The following COL25A1 variants were observed in gnomAD, a reference collection of about 807,000 sequenced individuals.
The protein encoded by COL25A1 is collagen alpha-1(XXV) chain.
In COL25A1, 103 loss-of-function variants were observed where a neutral mutation model predicts 128.4. The ratio of observed to expected loss-of-function variants is 0.80; its 90% confidence interval spans 0.68 to 0.94. The LOEUF (loss-of-function observed/expected upper bound fraction) is 0.94, where lower values mean the gene tolerates loss of function less well. COL25A1 is among the 40% of genes least tolerant of loss of function. The pLI, the probability that COL25A1 is intolerant of heterozygous loss-of-function variation, is 0.00. For missense variants in COL25A1, 745 were observed against 840.0 expected (o/e 0.89, Z 1.40); for synonymous variants, 279 against 277.2 (o/e 1.01, Z -0.06).
At chr4:108,928,168 C>G (rs1471060039) in intron 11 of COL25A1, among the ~76,000 whole-genome samples, 1 of 152,184 alleles carries the variant, frequency 6.6e-6, no homozygotes, top group Admixed American at 6.6e-5. Flanking sequence ...GCCTATCACC[C>G]TACACTACAC....
chr4:109,280,169 G>T (rs1473103423), intron 3 of COL25A1, among the ~76,000 whole-genome samples: 1 of 152,160 alleles, frequency 6.6e-6, no homozygotes, highest in Non-Finnish European at 1.5e-5. Flanking sequence ...AAATGTTGAG[G>T]CTTCCTTTCT....
chr4:108,931,438 C>G (rs1023256457), intron 11 of COL25A1, among the ~76,000 whole-genome samples: 8 of 152,084 alleles, frequency 5.3e-5, no homozygotes, highest in Non-Finnish European at 1.0e-4. Flanking sequence ...ATAAGGAAAA[C>G]AAAATTAAGT....
chr4:108,854,925 T>C (rs1052547893), intron 24 of COL25A1, among the ~76,000 whole-genome samples: 2 of 152,166 alleles, frequency 1.3e-5, no homozygotes, highest in Non-Finnish European at 2.9e-5. Context: ...AAATATACCG[T>C]GTCTAAGTCT....
intron 3 of COL25A1, among the ~76,000 whole-genome samples, chr4:109,233,734 T>C (rs909672592): frequency 8.5e-5 from 13 of 152,124 alleles, no homozygotes; most frequent in Non-Finnish European, 1.5e-5. Flanking sequence ...GACATTACTA[T>C]ATAGTGCATG....
chr4:109,297,666 C>A (rs1317367344), intron 3 of COL25A1, among the ~76,000 whole-genome samples: 1 of 151,934 alleles, frequency 6.6e-6, no homozygotes, highest in Non-Finnish European at 1.5e-5. Context: ...GGGTTTTTAG[C>A]AAATTATACA....
intron 6 of COL25A1, among the ~76,000 whole-genome samples, chr4:108,997,986 G>A (rs898000447): frequency 2.0e-5 from 3 of 151,380 alleles, no homozygotes; most frequent in African/African-American, 7.4e-5. Flanking sequence ...AAAATAATAA[G>A]AGATATTTAT....
At chr4:108,856,638 T>G (rs1286808218) in intron 24 of COL25A1, among the ~76,000 whole-genome samples, 1 of 152,086 alleles carries the variant, frequency 6.6e-6, no homozygotes, top group Non-Finnish European at 1.5e-5. Flanking sequence ...GCATGGCAAA[T>G]AGTTGCCTCA....
intron 3 of COL25A1, among the ~76,000 whole-genome samples, chr4:109,053,959 C>T (rs531109534): frequency 2.0e-5 from 3 of 152,100 alleles, no homozygotes; most frequent in Non-Finnish European, 4.4e-5. Flanking sequence ...CATAAATACC[C>T]GAGAATAGGG....
chr4:108,971,652 G>T (rs1372702110), intron 8 of COL25A1, among the ~76,000 whole-genome samples: 1 of 152,178 alleles, frequency 6.6e-6, no homozygotes, highest in Non-Finnish European at 1.5e-5. Context: ...AACTGGTGGG[G>T]ATGGGCAAGA....
intron 27 of COL25A1, 87 bp downstream of exon 27, chr4:108,848,672 G>A (rs750153201): frequency 1.3e-5 from 12 of 889,022 alleles, no homozygotes; most frequent in Non-Finnish European, 2.3e-5. Flanking sequence ...AAATATCAAT[G>A]CTCATGACAT....
intron 5 of COL25A1, among the ~76,000 whole-genome samples, chr4:109,020,522 C>A (rs1757633819): frequency 7.9e-6 from 1 of 127,322 alleles, no homozygotes; most frequent in Non-Finnish European, 1.6e-5. Flanking sequence ...GGGGGGGGTT[C>A]AACATAAAAA....
intron 6 of COL25A1, among the ~76,000 whole-genome samples, chr4:109,001,372 C>CAGGCATCTCAGATCCTGTCAGGT (rs1755348509): frequency 4.1e-5 from 1 of 24,146 alleles, no homozygotes. Context: ...TTAAAAGAAA[C>CAGGCATCTCAGATCCTGTCAGGT]AGGCATCTGA....
At chr4:108,815,612 G>A (rs1194795837) in intron 37 of COL25A1, among the ~76,000 whole-genome samples, 3 of 152,016 alleles carry the variant, frequency 2.0e-5, no homozygotes, top group African/African-American at 4.8e-5. Context: ...TTAATCTTAT[G>A]TAGTGTATAG....
chr4:108,889,836 C>G, intron 16 of COL25A1, 103 bp from the exon 17 acceptor site: 2 of 971,156 alleles, frequency 2.1e-6, no homozygotes, highest in Non-Finnish European at 3.3e-6. Flanking sequence ...AAGGGTATCT[C>G]ATGACTAATG....
chr4:108,973,227 A>G (rs893570776), intron 8 of COL25A1, among the ~76,000 whole-genome samples: 1 of 152,220 alleles, frequency 6.6e-6, no homozygotes, highest in Non-Finnish European at 1.5e-5. Context: ...CACATCCATG[A>G]CAGTGGATAA....
At chr4:109,013,528 T>G (rs1325591121) in intron 5 of COL25A1, among the ~76,000 whole-genome samples, 1 of 76,448 alleles carries the variant, frequency 1.3e-5, no homozygotes, top group Non-Finnish European at 2.2e-5. Flanking sequence ...CAATAAATCT[T>G]GCTGCTGCTC....
intron 32 of COL25A1, among the ~76,000 whole-genome samples, chr4:108,828,409 A>G (rs915556990): frequency 3.9e-5 from 6 of 152,152 alleles, no homozygotes; most frequent in Non-Finnish European, 7.3e-5. Flanking sequence ...TGCTGGGATT[A>G]CAGGCGTGAG....
intron 4 of COL25A1, 27 bp downstream of exon 4, chr4:109,050,108 C>T (rs764357742): frequency 6.3e-7 from 1 of 1,599,522 alleles, no homozygotes; most frequent in South Asian, 1.1e-5. Context: ...ACATGAGTGA[C>T]ACAGAGCAGC....
At chr4:108,967,712 C>T (rs1020227207) in intron 8 of COL25A1, among the ~76,000 whole-genome samples, 6 of 152,158 alleles carry the variant, frequency 3.9e-5, no homozygotes, top group African/African-American at 1.4e-4. Context: ...ATGTATGCAA[C>T]TTACCTAGAA....
Sources: allele counts gnomAD v4.1 joint callset (sites outside exome capture counted in the v4.1 genomes callset), GRCh38; gene constraint gnomAD v4.1.1; transcripts MANE v1.5; gene names NCBI Gene and HGNC (gene_info 2026-07-23, HGNC 2026-07-21).